DPY19L2: variants seen among roughly 807,000 people sequenced by gnomAD.
DPY19L2 encodes the protein dpy-19 like 2, also known as probable C-mannosyltransferase DPY19L2.
DPY19L2 carries 34 observed loss-of-function variants against 97.9 expected under a neutral mutation model. That is an observed-to-expected ratio of 0.35 (90% CI 0.26 to 0.46). The LOEUF is 0.46. Ranked by LOEUF, DPY19L2 falls within the 20% of genes least tolerant of loss-of-function variation. The pLI is 1.00. For synonymous variants in DPY19L2, 230 were observed against 307.9 expected, an observed-to-expected ratio of 0.75 and a Z score of 2.65; for missense variants, 623 against 911.4, an observed-to-expected ratio of 0.68 and a Z score of 4.07.
intron 16 of DPY19L2, among the ~76,000 whole-genome samples, chr12:63,593,358 C>T (rs1333692843): frequency 2.0e-5 from 3 of 151,936 alleles, no homozygotes; most frequent in South Asian, 2.1e-4. Context: ...TATTGCGGCA[C>T]TATTCACAAT....
At chr12:63,615,807 G>C (rs1294138000) in intron 11 of DPY19L2, among the ~76,000 whole-genome samples, 1 of 151,146 alleles carries the variant, frequency 6.6e-6, no homozygotes, top group African/African-American at 2.4e-5. Flanking sequence ...CTCATTTAGA[G>C]AGTTATAATT....
chr12:63,612,576 C>T (rs1173980966), intron 11 of DPY19L2, among the ~76,000 whole-genome samples: 4 of 138,430 alleles, frequency 2.9e-5, no homozygotes, highest in Non-Finnish European at 6.2e-5. Flanking sequence ...AGAAAGGTCT[C>T]AAGTCAATGA....
intron 14 of DPY19L2, among the ~76,000 whole-genome samples, chr12:63,596,486 G>C: frequency 6.6e-6 from 1 of 152,054 alleles, no homozygotes; most frequent in Non-Finnish European, 1.5e-5. Context: ...AATAACATTG[G>C]CTAACTAATT....
rs1876155289 is a variant in DPY19L2 at position 63,559,890 on chromosome 12, C to T, written c.*622G>A. 6.6e-6 allele frequency: 1 copy of T among 152,014 alleles called. No homozygotes were observed. The highest frequency in any genetic ancestry group is 6.6e-5 in the Admixed American group (1 of 15,250). The allele number at this position is 152,014 out of a possible 1,614,324, so 9.4% of individuals were successfully genotyped here. A position where few individuals can be genotyped will look rare whatever the true frequency, so the allele number is the denominator to read the frequency against. ...AAATATGTATCTAGTGGGGTAAACA[C>T]ATCTCAAGAGATTCAAAACATTACA... On this transcript the variant is annotated 3_prime_UTR_variant, in exon 22 of 22. Transcript: ENST00000324472.
chr12:63,631,445 A>G (rs1234425792), intron 6 of DPY19L2, among the ~76,000 whole-genome samples: 2 of 152,184 alleles, frequency 1.3e-5, no homozygotes, highest in African/African-American at 2.4e-5. Context: ...CCTCTATGCA[A>G]ATAAACTAGA....
In DPY19L2 at chr12:63,626,970, G is replaced by T. The variant is rs115234529; in HGVS notation, c.804-444C>A. On this transcript the variant is annotated intron_variant, in intron 6 of 21. Transcript: ENST00000324472. Reference sequence around the variant, plus strand: ...ATTTTTTTACTTTTAGCAGAGACAGGGTTTTACCATGTTGGCTAAGCTAGT... The same window carrying T: ...ATTTTTTTACTTTTAGCAGAGACAGTGTTTTACCATGTTGGCTAAGCTAGT... Among the ~76,000 whole-genome samples, 686 of 152,108 alleles carry T rather than the reference G, an allele frequency of 4.5e-3. 5 individuals are homozygous for T. Among genetic ancestry groups the T allele is most frequent in the African/African-American group, 0.015 (637 of 41,508 alleles).
In DPY19L2 at chr12:63,583,826, G is replaced by T. The variant is rs1214879022; in HGVS notation, c.1591C>A (p.Leu531Ile). 6.2e-7 allele frequency: 1 copy of T among 1,611,156 alleles called. No individual in the cohort carries two copies. The highest frequency in any genetic ancestry group is 1.3e-5 in the African/African-American group (1 of 74,918). ...ATNIYLRKQL[L>I]EHSELAFHTL... ...GAAAGCTTTACCTCACTGTGTTCAAGGAGCTGTTTTCTAGAATAAAACAAA... is the reference window on the plus strand; with the variant it reads ...GAAAGCTTTACCTCACTGTGTTCAATGAGCTGTTTTCTAGAATAAAACAAA... The change falls in exon 17 of 22, where the codon CTT (leucine) becomes ATT (isoleucine). Residue 531 changes from leucine to isoleucine, a missense_variant. Physicochemically the swap from Leu to Ile is conservative, Grantham distance 5 (BLOSUM62 2). This residue lies in a region of DPY19L2 where 294 missense variants were observed against 446.2 expected (regional missense o/e 0.66). Transcript: ENST00000324472.
chr12:63,603,278 T>A (rs1488303276), intron 12 of DPY19L2, among the ~76,000 whole-genome samples: 1 of 152,220 alleles, frequency 6.6e-6, no homozygotes, highest in Non-Finnish European at 1.5e-5. Flanking sequence ...TAGTCTATTA[T>A]ATCTACCCCT....
intron 4 of DPY19L2, 125 bp downstream of exon 4, chr12:63,661,219 T>C (rs1895631508): frequency 1.0e-6 from 1 of 952,674 alleles, no homozygotes; most frequent in Non-Finnish European, 1.5e-6. Context: ...TACTCAACTA[T>C]AAGGATACAC....
Position 63,661,486 on chromosome 12 carries a change from T to C in DPY19L2, c.451-5A>G. The C allele has an allele frequency of 6.4e-7, 1 of 1,550,650 alleles. No homozygotes were observed. On this transcript the variant is annotated splice_region_variant and splice_polypyrimidine_tract_variant and intron_variant, in intron 3 of 21. Coordinates refer to ENST00000324472, the MANE Select transcript of DPY19L2 (RefSeq NM_173812.5). Reference sequence around the variant, plus strand: ...GAAGTATGAATAATAAAGTCCCTTTTTTTAAAAAAAGACATATATTGTCAA... The same window carrying C: ...GAAGTATGAATAATAAAGTCCCTTTCTTTAAAAAAAGACATATATTGTCAA...
intron 12 of DPY19L2, among the ~76,000 whole-genome samples, chr12:63,607,280 A>C (rs960461617): frequency 6.6e-6 from 1 of 152,088 alleles, no homozygotes; most frequent in African/African-American, 2.4e-5. Flanking sequence ...ATAGTTTGCA[A>C]CTGAAATTCT....
At chr12:63,639,240 C>T (rs1892278265) in intron 6 of DPY19L2, among the ~76,000 whole-genome samples, 1 of 152,110 alleles carries the variant, frequency 6.6e-6, no homozygotes. Flanking sequence ...AGACCTAAAA[C>T]CATAAAAACC....
Position 63,668,275 on chromosome 12 carries a change from G to A in DPY19L2, c.119C>T (p.Ser40Leu), listed in dbSNP as rs757222297. 1.9e-6 allele frequency: 3 copies of A among 1,613,920 alleles called. No individual in the cohort carries two copies. Among genetic ancestry groups the A allele is most frequent in the Non-Finnish European group, 1.7e-6 (2 of 1,179,888 alleles). Reference sequence around the variant, plus strand: ...TGGCAGTTTCCCGCCGCCTAGGGCCGACTTTTCCATCTCCTCCTCTACCTC... The same window carrying A: ...TGGCAGTTTCCCGCCGCCTAGGGCCAACTTTTCCATCTCCTCCTCTACCTC... ...EPEVEEEMEK[S>L]ALGGGKLPRG... Residue 40 changes from serine to leucine, a missense_variant, in exon 1 of 22, where the codon TCG (serine) becomes TTG (leucine). Physicochemically the swap from Ser to Leu is moderately radical, Grantham distance 145. This residue lies in a region of DPY19L2 where 144 missense variants were observed against 119.4 expected (regional missense o/e 1.21). Transcript: ENST00000324472.
chr12:63,590,092 C>A (rs767208868), intron 16 of DPY19L2, among the ~76,000 whole-genome samples: 1 of 151,766 alleles, frequency 6.6e-6, no homozygotes, highest in South Asian at 2.1e-4. Context: ...TGTGCCACTG[C>A]ATACACAGCA....
intron 5 of DPY19L2, among the ~76,000 whole-genome samples, chr12:63,644,714 G>T (rs1035337428): frequency 1.3e-5 from 2 of 151,974 alleles, no homozygotes; most frequent in Non-Finnish European, 2.9e-5. Context: ...ATATGTGTGT[G>T]TATATATACA....
At chr12:63,610,841 CAAAAAAAAAAAAAAAAAA>C (rs56044043) in intron 11 of DPY19L2, among the ~76,000 whole-genome samples, 595 of 10,808 alleles carry the variant, frequency 0.055, 14 homozygotes, top group African/African-American at 0.11. Context: ...ATGAATATAG[CAAAAAAAAAAAAAAAAAA>C]AAAAAAAAAA....
chr12:63,565,472 T>C (rs1345834053), intron 21 of DPY19L2, among the ~76,000 whole-genome samples: 1 of 152,198 alleles, frequency 6.6e-6, no homozygotes, highest in African/African-American at 2.4e-5. Flanking sequence ...CTTACTCGTT[T>C]GCCTCCTCCT....
chr12:63,571,823 C>T (rs1878906331), intron 19 of DPY19L2, among the ~76,000 whole-genome samples: 1 of 152,124 alleles, frequency 6.6e-6, no homozygotes, highest in African/African-American at 2.4e-5. Context: ...AGACCAAATG[C>T]TTACTTCCTG....
At chr12:63,579,536 A>T (rs1217569749) in intron 19 of DPY19L2, among the ~76,000 whole-genome samples, 2 of 152,188 alleles carry the variant, frequency 1.3e-5, no homozygotes, top group African/African-American at 4.8e-5. Flanking sequence ...TAAGTTGCCA[A>T]ATGTAGGCTC....
Sources: gnomAD v4.1 joint callset for allele counts (sites outside exome capture counted in the v4.1 genomes callset) on GRCh38, gnomAD v4.1.1 for gene constraint, gnomAD v4.1.1 regional missense constraint, MANE v1.5 for transcripts, NCBI Gene and HGNC (gene_info 2026-07-23, HGNC 2026-07-21) for gene names.